ITK: variants seen among roughly 807,000 people sequenced by gnomAD.
ITK encodes tyrosine-protein kinase ITK/TSK.
ITK carries 45 observed loss-of-function variants against 87.6 expected under a neutral mutation model. The observed-to-expected ratio is 0.51, with a 90% confidence interval of 0.40 to 0.66. The LOEUF (loss-of-function observed/expected upper bound fraction) is 0.66. Among genes scored for constraint, ITK ranks in the 30% least tolerant of loss-of-function variants. The pLI is 0.00. For synonymous variants in ITK, 303 were observed against 273.6 expected, an observed-to-expected ratio of 1.11 and a Z score of -1.06; for missense variants, 605 against 766.3, an observed-to-expected ratio of 0.79 and a Z score of 2.48.
intron 1 of ITK, among the ~76,000 whole-genome samples, chr5:157,198,330 C>T (rs1753892063): frequency 6.6e-6 from 1 of 151,862 alleles, no homozygotes; most frequent in South Asian, 2.1e-4. Flanking sequence ...TCCTTCTTTC[C>T]TTTTGAAAAG....
At chr5:157,250,323 G>C (rs1475046587) in intron 16 of ITK, among the ~76,000 whole-genome samples, 2 of 152,166 alleles carry the variant, frequency 1.3e-5, no homozygotes, top group Non-Finnish European at 2.9e-5. Context: ...CAGCATGTAG[G>C]CTTTTCGGAC....
chr5:157,200,750 A>G (rs1245543925), intron 1 of ITK, among the ~76,000 whole-genome samples: 1 of 152,190 alleles, frequency 6.6e-6, no homozygotes, highest in Non-Finnish European at 1.5e-5. Context: ...GAGCAAGCTC[A>G]TCTGACAGCC....
intron 1 of ITK, among the ~76,000 whole-genome samples, chr5:157,193,036 T>A (rs1311344548): frequency 6.6e-6 from 1 of 152,086 alleles, no homozygotes; most frequent in African/African-American, 2.4e-5. Context: ...GGTAACATAG[T>A]GAGATCCCAT....
In ITK at chr5:157,238,171, T is replaced by A; in HGVS notation, c.831T>A (p.Val277=). Residue 277 remains valine, a synonymous_variant, in exon 9 of 17, where the codon GTT becomes GTA. Coordinates refer to ENST00000422843, the MANE Select transcript of ITK (RefSeq NM_005546.4). ...SRTAGTYTVS[V]FTKAVVSENN... ...CTGCAGGAACATACACCGTGTCTGT[T>A]TTCACCAAGGCTGTTGTAAGGTATG... is the stretch of plus-strand genomic sequence containing the variant. 6.2e-7 allele frequency: 1 copy of A among 1,613,726 alleles called. No individual in the cohort carries two copies. The highest frequency in any genetic ancestry group is 8.5e-7 in the Non-Finnish European group (1 of 1,179,648).
intron 1 of ITK, among the ~76,000 whole-genome samples, chr5:157,202,140 G>A (rs56317349): frequency 7.6e-4 from 116 of 152,242 alleles, no homozygotes; most frequent in African/African-American, 1.3e-3. Flanking sequence ...TACCCATGTC[G>A]CTGCAAAGGA....
intron 3 of ITK, among the ~76,000 whole-genome samples, chr5:157,211,803 C>CA (rs1167638649): frequency 1.3e-5 from 2 of 152,112 alleles, no homozygotes; most frequent in African/African-American, 2.4e-5. Flanking sequence ...TTGCTATGTA[C>CA]ACTTGGGCGA....
intron 1 of ITK, among the ~76,000 whole-genome samples, chr5:157,206,537 G>T (rs913786882): frequency 6.6e-6 from 1 of 152,102 alleles, no homozygotes; most frequent in Non-Finnish European, 1.5e-5. Context: ...TGGGTGGTAG[G>T]CTATTTATTA....
chr5:157,237,170 A>G (rs2113770361), intron 8 of ITK, among the ~76,000 whole-genome samples: 1 of 152,384 alleles, frequency 6.6e-6, no homozygotes, highest in South Asian at 2.1e-4. Context: ...TGGACTGGAT[A>G]AAGAAAATTT....
At chr5:157,233,173 G>A (rs577700701) in intron 8 of ITK, among the ~76,000 whole-genome samples, 7 of 152,200 alleles carry the variant, frequency 4.6e-5, no homozygotes, top group East Asian at 3.9e-4. Context: ...TCTGGGCCTC[G>A]GTTTCTCAGT....
intron 6 of ITK, 69 bp downstream of exon 6, chr5:157,223,083 A>G (rs532669744): frequency 1.9e-6 from 3 of 1,572,994 alleles, no homozygotes; most frequent in South Asian, 1.1e-5. Flanking sequence ...TACCAGGATG[A>G]TTTGTCCTAT....
intron 8 of ITK, among the ~76,000 whole-genome samples, chr5:157,236,055 G>C (rs527715495): frequency 6.6e-6 from 1 of 152,264 alleles, no homozygotes; most frequent in African/African-American, 2.4e-5. Flanking sequence ...GGAAACTGAA[G>C]CTCATACAGT....
intron 15 of ITK, among the ~76,000 whole-genome samples, chr5:157,248,634 G>T (rs972733677): frequency 2.0e-5 from 3 of 152,102 alleles, no homozygotes. Flanking sequence ...TACAACAAAG[G>T]GTCCATCTTG....
intron 3 of ITK, among the ~76,000 whole-genome samples, chr5:157,212,839 C>T (rs965998270): frequency 5.3e-5 from 8 of 151,326 alleles, no homozygotes; most frequent in African/African-American, 1.9e-4. Context: ...AGACCCTGTT[C>T]TTACCCCACC....
intron 6 of ITK, among the ~76,000 whole-genome samples, chr5:157,226,351 T>C (rs993585464): frequency 1.3e-5 from 2 of 151,530 alleles, no homozygotes; most frequent in Non-Finnish European, 2.9e-5. Flanking sequence ...TGACCCAGCT[T>C]TGGGTGGCAT....
At chr5:157,250,623 C>G (rs1755122758) in intron 16 of ITK, among the ~76,000 whole-genome samples, 1 of 151,702 alleles carries the variant, frequency 6.6e-6, no homozygotes, top group South Asian at 2.1e-4. Flanking sequence ...CTCAAGCGAT[C>G]CTCCTACCTC....
At chr5:157,238,982 C>T (rs1023452505) in intron 9 of ITK, among the ~76,000 whole-genome samples, 47 of 152,056 alleles carry the variant, frequency 3.1e-4, no homozygotes, top group African/African-American at 1.1e-3. Flanking sequence ...GTGAGCAGGA[C>T]GTGGAGCAAG....
rs1479796181 is a variant in ITK at position 157,253,413 on chromosome 5, A to C, written c.*735A>C. 4.4e-6 allele frequency: 1 copy of C among 226,136 alleles called. No individual in the cohort carries two copies. The highest frequency in any genetic ancestry group is 8.8e-6 in the Non-Finnish European group (1 of 113,686). 14.0% of individuals were successfully genotyped at this position (226,136 alleles called of 1,614,324 possible). A position where few individuals can be genotyped will look rare whatever the true frequency, so the allele number is the denominator to read the frequency against. On this transcript the variant is annotated 3_prime_UTR_variant, in exon 17 of 17. Transcript: ENST00000422843. ...GGAGCATTGGGTATCTGATGTCTGC[A>C]CCAGAACAAGAGAACCTCTGACGGT...
intron 10 of ITK, 94 bp from the exon 11 acceptor site, chr5:157,241,552 C>A: frequency 1.1e-6 from 1 of 874,366 alleles, no homozygotes; most frequent in Admixed American, 1.8e-5. Flanking sequence ...GCTTTTGCGT[C>A]TGATGATGAT....
chr5:157,231,140 G>A (rs922977429), intron 7 of ITK, among the ~76,000 whole-genome samples: 4 of 152,166 alleles, frequency 2.6e-5, no homozygotes, highest in African/African-American at 9.7e-5. Flanking sequence ...AATGGATTCA[G>A]GTCTCCTGCC....
Sources: allele counts gnomAD v4.1 joint callset (sites outside exome capture counted in the v4.1 genomes callset), GRCh38; gene constraint gnomAD v4.1.1; transcripts MANE v1.5; gene names NCBI Gene and HGNC (gene_info 2026-07-23, HGNC 2026-07-21).